The following CNTNAP2 variants were observed in gnomAD, a reference collection of about 807,000 sequenced individuals.
CNTNAP2 encodes the protein contactin associated protein 2.
CNTNAP2 carries 98 observed loss-of-function variants against 155.2 expected under a neutral mutation model. The ratio of observed to expected loss-of-function variants is 0.63; its 90% CI spans 0.54 to 0.75. The LOEUF is 0.75. Among genes scored for constraint, CNTNAP2 ranks in the 30% least tolerant of loss-of-function variants. The probability of loss-of-function intolerance (pLI) is 0.00; values close to 1 mark genes in which losing one functional copy is unlikely to be tolerated. For missense variants in CNTNAP2, 1,727 were observed against 1,688.1 expected (o/e 1.02, Z -0.40); for synonymous variants, 651 against 631.2 (o/e 1.03, Z -0.47).
intron 9 of CNTNAP2, among the ~76,000 whole-genome samples, chr7:147,348,301 T>C (rs1795911025): frequency 2.0e-5 from 3 of 151,192 alleles, no homozygotes; most frequent in South Asian, 4.2e-4. Flanking sequence ...CTAAAGCATC[T>C]CAACAACAAA....
chr7:146,847,240 G>C (rs1803859451), intron 3 of CNTNAP2, among the ~76,000 whole-genome samples: 1 of 152,130 alleles, frequency 6.6e-6, no homozygotes, highest in African/African-American at 2.4e-5. Context: ...AGGAATACTA[G>C]TATGCTTATT....
intron 1 of CNTNAP2, among the ~76,000 whole-genome samples, chr7:146,412,150 A>G (rs979166709): frequency 2.0e-5 from 3 of 151,990 alleles, no homozygotes; most frequent in Non-Finnish European, 4.4e-5. Context: ...TTATTTTGAA[A>G]TGTTTGTATG....
At chr7:146,507,884 T>C (rs1047524481) in intron 1 of CNTNAP2, among the ~76,000 whole-genome samples, 8 of 152,202 alleles carry the variant, frequency 5.3e-5, no homozygotes, top group Non-Finnish European at 1.0e-4. Context: ...TGTCGCCCTT[T>C]CCATGTGAAG....
chr7:146,766,158 G>A (rs1214690405), intron 1 of CNTNAP2, among the ~76,000 whole-genome samples: 4 of 152,064 alleles, frequency 2.6e-5, no homozygotes, highest in African/African-American at 4.8e-5. Flanking sequence ...GATAAAGATC[G>A]AAGCAGGAAA....
intron 22 of CNTNAP2, 92 bp from the exon 23 acceptor site, chr7:148,409,299 G>A: frequency 1.0e-6 from 1 of 973,022 alleles, no homozygotes; most frequent in South Asian, 1.3e-5. Context: ...AAAACAGGAA[G>A]TGTTGAAGAG....
intron 21 of CNTNAP2, among the ~76,000 whole-genome samples, chr7:148,335,583 A>G (rs1798102943): frequency 6.6e-6 from 1 of 152,238 alleles, no homozygotes; most frequent in African/African-American, 2.4e-5. Context: ...TTACGTGTCA[A>G]GAGAAGGAAG....
At chr7:146,655,312 G>T (rs1458632310) in intron 1 of CNTNAP2, among the ~76,000 whole-genome samples, 1 of 150,016 alleles carries the variant, frequency 6.7e-6, no homozygotes, top group Non-Finnish European at 1.5e-5. Context: ...TACTCAGAAG[G>T]CTGAGGCAAG....
At chr7:148,093,202 T>A (rs927008334) in intron 15 of CNTNAP2, among the ~76,000 whole-genome samples, 4 of 148,740 alleles carry the variant, frequency 2.7e-5, no homozygotes, top group Admixed American at 6.7e-5. Flanking sequence ...AAAAAAAAAA[T>A]TAAATTTTTT....
intron 15 of CNTNAP2, among the ~76,000 whole-genome samples, chr7:147,980,119 C>G (rs1801496776): frequency 1.3e-5 from 2 of 152,082 alleles, no homozygotes; most frequent in Non-Finnish European, 2.9e-5. Context: ...AAAAGAAGTT[C>G]AAACCATGTT....
intron 11 of CNTNAP2, among the ~76,000 whole-genome samples, chr7:147,555,348 A>G (rs73464916): frequency 0.034 from 5,146 of 152,210 alleles, 133 homozygotes; most frequent in African/African-American, 0.056. Flanking sequence ...TTCTTTATCC[A>G]TTCAAGGGTA....
intron 15 of CNTNAP2, among the ~76,000 whole-genome samples, chr7:148,081,826 G>A (rs569249383): frequency 2.0e-5 from 3 of 152,134 alleles, no homozygotes; most frequent in Admixed American, 1.3e-4. Flanking sequence ...AGTGATTTGG[G>A]AAGACTTCAT....
At chr7:146,764,694 T>C (rs1253074392) in intron 1 of CNTNAP2, among the ~76,000 whole-genome samples, 1 of 152,162 alleles carries the variant, frequency 6.6e-6, no homozygotes, top group Non-Finnish European at 1.5e-5. Context: ...CCTTGGTACA[T>C]GCAGACCAGA....
chr7:146,140,726 A>G (rs995739494), intron 1 of CNTNAP2, among the ~76,000 whole-genome samples: 2 of 152,128 alleles, frequency 1.3e-5, no homozygotes, highest in Admixed American at 6.6e-5. Context: ...TACTCTCTAC[A>G]TCACAAACAA....
Position 147,676,336 on chromosome 7 carries a change from C to T in CNTNAP2, c.2098+37030C>T, listed in dbSNP as rs183875187. On this transcript the variant is annotated intron_variant, in intron 13 of 23. Coordinates refer to ENST00000361727, the MANE Select transcript of CNTNAP2 (RefSeq NM_014141.6). ...AATTCCCTAAAACCTGCTAGGGTTA[C>T]AGTAACCATGGCAACACAAACTCTA... is the stretch of plus-strand genomic sequence containing the variant. Among the ~76,000 whole-genome samples, 34 of 152,084 alleles carry T rather than the reference C, an allele frequency of 2.2e-4. 1 individual carries two copies. The East Asian group carries it at 6.2e-3, about 28-fold the overall frequency.
intron 1 of CNTNAP2, among the ~76,000 whole-genome samples, chr7:146,770,317 T>TACACACAC (rs60507060): frequency 0.011 from 1,638 of 143,736 alleles, 9 homozygotes; most frequent in East Asian, 0.031. Flanking sequence ...TGTGTGTGTA[T>TACACACAC]ACACACACAC....
At chr7:147,810,666 GTGAA>G (rs1449991147) in intron 13 of CNTNAP2, among the ~76,000 whole-genome samples, 4 of 152,188 alleles carry the variant, frequency 2.6e-5, no homozygotes, top group African/African-American at 9.7e-5. Flanking sequence ...ATTAGAATAA[GTGAA>G]TGAAAGAGAT....
At chr7:147,410,924 T>C (rs1277922466) in intron 10 of CNTNAP2, among the ~76,000 whole-genome samples, 2 of 152,218 alleles carry the variant, frequency 1.3e-5, no homozygotes, top group Admixed American at 6.5e-5. Context: ...AGCTGGATGC[T>C]GTATTGCAAG....
At chr7:146,366,596 A>G (rs932115979) in intron 1 of CNTNAP2, among the ~76,000 whole-genome samples, 3 of 151,994 alleles carry the variant, frequency 2.0e-5, no homozygotes, top group Non-Finnish European at 4.4e-5. Flanking sequence ...GGGATTTAGG[A>G]TATGTGGTCA....
At chr7:146,503,616 G>T (rs149246530) in intron 1 of CNTNAP2, among the ~76,000 whole-genome samples, 19 of 152,214 alleles carry the variant, frequency 1.2e-4, no homozygotes, top group African/African-American at 4.6e-4. Context: ...TTTTGTATAT[G>T]GTGAGAGAAT....
Sources: gnomAD v4.1 joint callset for allele counts (sites outside exome capture counted in the v4.1 genomes callset) on GRCh38, gnomAD v4.1.1 for gene constraint, MANE v1.5 for transcripts, NCBI Gene and HGNC (gene_info 2026-07-23, HGNC 2026-07-21) for gene names.